MICU1: variants seen among roughly 807,000 people sequenced by gnomAD.
The protein encoded by MICU1 is calcium uptake protein 1, mitochondrial.
A neutral mutation model predicts 56.8 loss-of-function variants in MICU1; 45 were observed. The observed-to-expected ratio is 0.79, with a 90% CI of 0.62 to 1.02. The LOEUF (loss-of-function observed/expected upper bound fraction) is 1.02. Ranked by LOEUF, MICU1 falls within the 50% of genes least tolerant of loss-of-function variation. The pLI is 0.00. For synonymous variants in MICU1, 186 were observed against 195.1 expected (o/e 0.95, Z 0.39); for missense variants, 504 against 587.1 (o/e 0.86, Z 1.46).
chr10:72,440,659 G>T (rs1056659043), intron 8 of MICU1, among the ~76,000 whole-genome samples: 1 of 152,154 alleles, frequency 6.6e-6, no homozygotes, highest in Non-Finnish European at 1.5e-5. Context: ...ATCTGACAAA[G>T]GGCTAATATC....
chr10:72,431,096 C>A (rs1390631127), intron 8 of MICU1, among the ~76,000 whole-genome samples: 1 of 128,378 alleles, frequency 7.8e-6, no homozygotes, highest in Non-Finnish European at 1.6e-5. Context: ...ATCTGTCTGT[C>A]TATCTATCTA....
At chr10:72,597,090 G>C (rs1589377745) in intron 1 of MICU1, among the ~76,000 whole-genome samples, 1 of 152,066 alleles carries the variant, frequency 6.6e-6, no homozygotes, top group South Asian at 2.1e-4. Context: ...TGTAAACCTA[G>C]AACTGCTCCC....
At chr10:72,574,507 GA>G (rs750463197) in intron 1 of MICU1, among the ~76,000 whole-genome samples, 172 of 152,082 alleles carry the variant, frequency 1.1e-3, no homozygotes, top group Middle Eastern at 3.4e-3. Context: ...CAGCAAGAGT[GA>G]AACTCCATCT....
intron 1 of MICU1, among the ~76,000 whole-genome samples, chr10:72,600,193 G>A (rs1841487400): frequency 6.6e-6 from 1 of 151,890 alleles, no homozygotes; most frequent in South Asian, 2.1e-4. Flanking sequence ...TCTGGGGGTT[G>A]AGGCAGGAGA....
chr10:72,469,385 C>T (rs61567375), intron 8 of MICU1, among the ~76,000 whole-genome samples: 10,004 of 152,164 alleles, frequency 0.066, 1,125 homozygotes, highest in African/African-American at 0.23. Context: ...AAAACCCATA[C>T]AAAAGTTATT....
At chr10:72,549,687 T>G (rs1839984641) in intron 4 of MICU1, among the ~76,000 whole-genome samples, 1 of 152,022 alleles carries the variant, frequency 6.6e-6, no homozygotes, top group Non-Finnish European at 1.5e-5. Flanking sequence ...TCTCATCACT[T>G]TGGGAGGCTG....
At chr10:72,519,816 T>C (rs1381837513) in intron 5 of MICU1, among the ~76,000 whole-genome samples, 1 of 152,236 alleles carries the variant, frequency 6.6e-6, no homozygotes. Context: ...TTTCAAGTTA[T>C]AAAGTTAAAA....
chr10:72,448,576 A>T (rs1044935912), intron 8 of MICU1, among the ~76,000 whole-genome samples: 1 of 152,138 alleles, frequency 6.6e-6, no homozygotes, highest in Non-Finnish European at 1.5e-5. Context: ...ATTAGAATTC[A>T]GATTAAGTTG....
At chr10:72,392,313 G>A (rs1320811485) in intron 10 of MICU1, among the ~76,000 whole-genome samples, 1 of 152,142 alleles carries the variant, frequency 6.6e-6, no homozygotes, top group Non-Finnish European at 1.5e-5. Flanking sequence ...GCTCATGCCT[G>A]TAATCCTAGC....
intron 1 of MICU1, among the ~76,000 whole-genome samples, chr10:72,623,300 C>CAAAAAAAAAAAAAAA (rs1164753291): frequency 1.4e-4 from 8 of 55,890 alleles, no homozygotes; most frequent in Admixed American, 2.7e-4. Flanking sequence ...GACTCCGTCT[C>CAAAAAAAAAAAAAAA]AAAAAAAAAA....
intron 10 of MICU1, among the ~76,000 whole-genome samples, chr10:72,390,897 C>T (rs767633201): frequency 6.6e-6 from 1 of 152,246 alleles, no homozygotes; most frequent in Non-Finnish European, 1.5e-5. Flanking sequence ...AGGGTGGAAC[C>T]CTGTGCCTAG....
chr10:72,480,631 GCC>G (rs898620978), intron 6 of MICU1, among the ~76,000 whole-genome samples: 1 of 152,212 alleles, frequency 6.6e-6, no homozygotes, highest in Non-Finnish European at 1.5e-5. Context: ...GAGGAATACA[GCC>G]CAAATTAATA....
intron 8 of MICU1, among the ~76,000 whole-genome samples, chr10:72,430,154 T>C (rs952418716): frequency 6.6e-6 from 1 of 152,194 alleles, no homozygotes; most frequent in Non-Finnish European, 1.5e-5. Flanking sequence ...TTCTTCTTTC[T>C]TTTAACTTTA....
intron 10 of MICU1, among the ~76,000 whole-genome samples, chr10:72,403,669 G>GTGTGT (rs775016851): frequency 7.0e-6 from 1 of 143,106 alleles, no homozygotes; most frequent in African/African-American, 2.7e-5. Context: ...GTGTGTGTGT[G>GTGTGT]TTTTGAGACG....
chr10:72,454,220 C>T (rs1218852152), intron 8 of MICU1, among the ~76,000 whole-genome samples: 4 of 151,908 alleles, frequency 2.6e-5, no homozygotes, highest in Non-Finnish European at 5.9e-5. Flanking sequence ...TTTGGGAGGC[C>T]AAGGTGGGCG....
chr10:72,435,856 C>G (rs1280010802), intron 8 of MICU1, among the ~76,000 whole-genome samples: 1 of 152,244 alleles, frequency 6.6e-6, no homozygotes, highest in Admixed American at 6.5e-5. Flanking sequence ...CACCATTGCT[C>G]AGGCTTGAGT....
chr10:72,423,302 T>C lies in MICU1; in HGVS notation c.1003A>G (p.Ser335Gly). ...GTCAGCTTCTTGGACTGCACCCCAC[T>C]GTAGGCAAGTAGCATGCCACCAAAC... ...RQFGGMLLAYSGVQSKKLTAM... is the reference protein window; with the variant it reads ...RQFGGMLLAYGGVQSKKLTAM... Residue 335 changes from serine to glycine, a missense_variant, in exon 9 of 12, where the codon AGT (serine) becomes GGT (glycine). Transcript: ENST00000361114. 6.2e-7 allele frequency: 1 copy of C among 1,614,016 alleles called. No homozygotes were observed. Among genetic ancestry groups the C allele is most frequent in the Middle Eastern group, 1.6e-4 (1 of 6,062 alleles).
intron 8 of MICU1, among the ~76,000 whole-genome samples, chr10:72,446,314 T>G (rs949542894): frequency 6.6e-6 from 1 of 151,468 alleles, no homozygotes; most frequent in South Asian, 2.1e-4. Flanking sequence ...AATCTAAGCC[T>G]AATGGAGTAT....
intron 8 of MICU1, among the ~76,000 whole-genome samples, chr10:72,438,287 C>T (rs1293144737): frequency 6.6e-6 from 1 of 152,172 alleles, no homozygotes; most frequent in Non-Finnish European, 1.5e-5. Flanking sequence ...ACAACTTGCT[C>T]CTGAATGACT....
Sources: gnomAD v4.1 joint callset for allele counts (sites outside exome capture counted in the v4.1 genomes callset) on GRCh38, gnomAD v4.1.1 for gene constraint, MANE v1.5 for transcripts, NCBI Gene and HGNC (gene_info 2026-07-23, HGNC 2026-07-21) for gene names.